HTR4: variants seen among roughly 807,000 people sequenced by gnomAD.
HTR4 encodes 5-hydroxytryptamine receptor 4.
HTR4 carries 16 observed loss-of-function variants against 36.8 expected under a neutral mutation model. The observed-to-expected ratio is 0.43, with a 90% CI of 0.29 to 0.66. HTR4 has a LOEUF of 0.66. Among genes scored for constraint, HTR4 ranks in the 30% least tolerant of loss-of-function variants. HTR4 has a pLI of 0.13. For missense variants in HTR4, 438 were observed against 490.9 expected (o/e 0.89, Z 1.02); for synonymous variants, 189 against 185.1 (o/e 1.02, Z -0.17).
intron 2 of HTR4, among the ~76,000 whole-genome samples, chr5:148,607,338 T>C (rs886770083): frequency 2.0e-5 from 3 of 152,122 alleles, no homozygotes; most frequent in Admixed American, 6.5e-5. Flanking sequence ...GTCAAAAAGT[T>C]GAGATACTTT....
chr5:148,535,528 T>C (rs1212020412), intron 4 of HTR4, among the ~76,000 whole-genome samples: 1 of 151,886 alleles, frequency 6.6e-6, no homozygotes, highest in East Asian at 1.9e-4. Flanking sequence ...ATAGCCAGTA[T>C]AAAAAAAGAA....
intron 2 of HTR4, among the ~76,000 whole-genome samples, chr5:148,571,050 A>G (rs1024158221): frequency 6.6e-6 from 1 of 152,044 alleles, no homozygotes; most frequent in African/African-American, 2.4e-5. Flanking sequence ...GTTTCACATT[A>G]CAACATGAGG....
chr5:148,519,962 T>A lies in HTR4; in HGVS notation c.507+3231A>T, dbSNP rs80351864. 2.2e-4 allele frequency among the ~76,000 whole-genome samples: 34 copies of A among 152,280 alleles called. 1 individual carries two copies. In the East Asian group the frequency reaches 6.6e-3, roughly 29 times the overall value. ...TTCAGGCATGAGTTATAGTGTCTTG[T>A]CCATGACTGCAATGCTAACGAGTCA... On this transcript the variant is annotated intron_variant, in intron 5 of 6. Coordinates refer to ENST00000377888, the MANE Select transcript of HTR4 (RefSeq NM_000870.7).
chr5:148,561,558 T>C (rs1298512242), intron 2 of HTR4, among the ~76,000 whole-genome samples: 1 of 152,224 alleles, frequency 6.6e-6, no homozygotes, highest in Non-Finnish European at 1.5e-5. Flanking sequence ...GATAGATTTC[T>C]TTTCTTTACA....
At position 148,579,271 on chromosome 5, in the gene HTR4, AATTT is replaced by A. The variant is rs556623045; in HGVS notation, c.27-29013_27-29010del. 3.6e-3 allele frequency among the ~76,000 whole-genome samples: 545 copies of A among 152,182 alleles called. 5 individuals are homozygous for A. The highest frequency in any genetic ancestry group is 0.013 in the African/African-American group (522 of 41,544). On this transcript the variant is annotated intron_variant, in intron 2 of 6. Transcript: ENST00000377888. ...CACATAGCATATGTAAATTTTTGGC[AATTT>A]ATTTTTCTCATAGTTCTCAGAGTTT...
chr5:148,648,003 C>T (rs1753923416), intron 1 of HTR4, among the ~76,000 whole-genome samples: 1 of 152,170 alleles, frequency 6.6e-6, no homozygotes, highest in Admixed American at 6.5e-5. Flanking sequence ...TAAGAAACAA[C>T]AACTTTGCAA....
rs1755902770 is a variant in HTR4 at position 148,481,874 on chromosome 5, A to AG, written c.*1328dup. On this transcript the variant is annotated 3_prime_UTR_variant, in exon 7 of 7. Transcript: ENST00000377888. Reference sequence around the variant, plus strand: ...TCTGAAGGACAAAGCTGGAAAGGTCAGGGGTCTAAAAGGCCCAAATGAGGA... The same window carrying AG: ...TCTGAAGGACAAAGCTGGAAAGGTCAGGGGGTCTAAAAGGCCCAAATGAGGA... The AG allele has an allele frequency of 1.6e-6, 2 of 1,229,454 alleles. No individual in the cohort carries two copies. The highest frequency in any genetic ancestry group is 2.0e-6 in the Non-Finnish European group (2 of 986,960). The allele number at this position is 1,229,454 out of a possible 1,614,324, so 76.2% of individuals were successfully genotyped here.
At chr5:148,632,070 T>C (rs1349171436) in intron 2 of HTR4, among the ~76,000 whole-genome samples, 1 of 152,146 alleles carries the variant, frequency 6.6e-6, no homozygotes, top group African/African-American at 2.4e-5. Context: ...TTCTTCTTTC[T>C]TGGATTTCTT....
chr5:148,514,678 T>C (rs1384396707), intron 5 of HTR4, among the ~76,000 whole-genome samples: 1 of 152,132 alleles, frequency 6.6e-6, no homozygotes, highest in Non-Finnish European at 1.5e-5. Context: ...CTCACAAACA[T>C]GCTATTTTAT....
At chr5:148,474,471 C>T (rs533461225), downstream of HTR4, among the ~76,000 whole-genome samples, 8 of 152,158 alleles carry the variant, frequency 5.3e-5, no homozygotes, top group East Asian at 1.5e-3. Context: ...AATGACGTAA[C>T]CCCCCTAATG....
intron 3 of HTR4, among the ~76,000 whole-genome samples, chr5:148,549,404 C>A (rs569670738): frequency 7.2e-5 from 11 of 152,162 alleles, no homozygotes; most frequent in African/African-American, 2.2e-4. Context: ...TTTGCATCAT[C>A]ATTAGATGTG....
intron 2 of HTR4, among the ~76,000 whole-genome samples, chr5:148,568,691 G>T (rs1465207271): frequency 6.6e-6 from 1 of 152,132 alleles, no homozygotes; most frequent in Non-Finnish European, 1.5e-5. Context: ...TGTGCTGAAA[G>T]CATACTCTCA....
At chr5:148,481,440 G>A (rs920334771), downstream of HTR4, 6 of 858,908 alleles carry the variant, frequency 7.0e-6, no homozygotes, top group South Asian at 1.6e-5. Flanking sequence ...TATTTCTCAC[G>A]AATTCTGAAT....
chr5:148,476,526 G>A (rs577825153), downstream of HTR4: 9 of 1,321,474 alleles, frequency 6.8e-6, no homozygotes, highest in African/African-American at 1.5e-5. Flanking sequence ...TTTGAAGTGG[G>A]TGGAGTACTA....
chr5:148,457,977 T>G (rs1170901240), intron 5 of HTR4, among the ~76,000 whole-genome samples: 2 of 98,228 alleles, frequency 2.0e-5, no homozygotes, highest in Non-Finnish European at 4.7e-5. Context: ...ATAATATATT[T>G]TAATGATATA....
intron 5 of HTR4, among the ~76,000 whole-genome samples, chr5:148,453,056 G>A (rs1474722680): frequency 6.6e-6 from 1 of 152,192 alleles, no homozygotes; most frequent in African/African-American, 2.4e-5. Context: ...GCTGGAGGAA[G>A]GAAAGGGGCT....
intron 5 of HTR4, among the ~76,000 whole-genome samples, chr5:148,453,523 G>C (rs1010857882): frequency 4.6e-5 from 7 of 152,160 alleles, no homozygotes; most frequent in Admixed American, 6.5e-5. Context: ...GTGCCTATCT[G>C]GGAAAATAAC....
chr5:148,488,540 G>A (rs567322148), intron 6 of HTR4, among the ~76,000 whole-genome samples: 5 of 152,104 alleles, frequency 3.3e-5, no homozygotes, highest in African/African-American at 9.6e-5. Context: ...GATTTAAAAC[G>A]TATTTAAAGA....
At position 148,481,649 on chromosome 5, in the gene HTR4, A is replaced by G. The variant is rs1283538127; in HGVS notation, c.*1554T>C. 2.0e-6 allele frequency: 3 copies of G among 1,501,546 alleles called. No homozygotes were observed. Among genetic ancestry groups the G allele is most frequent in the Non-Finnish European group, 2.6e-6 (3 of 1,138,648 alleles). The allele number at this position is 1,501,546 out of a possible 1,614,324, so 93.0% of individuals were successfully genotyped here. ...CCAGAACTAAAGTAAACAACAATGG[A>G]AACAATAACTGACACCTTATAAGCA... is the stretch of plus-strand genomic sequence containing the variant. On this transcript the variant is annotated 3_prime_UTR_variant, in exon 7 of 7. Transcript: ENST00000377888.
Sources: allele counts gnomAD v4.1 joint callset (sites outside exome capture counted in the v4.1 genomes callset), GRCh38; gene constraint gnomAD v4.1.1; transcripts MANE v1.5; gene names NCBI Gene and HGNC (gene_info 2026-07-23, HGNC 2026-07-21).